CROCC: variants seen among roughly 807,000 people sequenced by gnomAD.
CROCC encodes the protein ciliary rootlet coiled-coil, rootletin, also known as rootletin.
CROCC carries 180 observed loss-of-function variants against 245.2 expected under a neutral mutation model. The ratio of observed to expected loss-of-function variants is 0.73; its 90% CI spans 0.65 to 0.83. The LOEUF is 0.83. CROCC is among the 40% of genes least tolerant of loss of function. The probability of loss-of-function intolerance (pLI) is 0.00; values close to 1 mark genes in which losing one functional copy is unlikely to be tolerated. For synonymous variants in CROCC, 1,205 were observed against 1,241.6 expected (o/e 0.97, Z 0.62); for missense variants, 2,688 against 2,779.4 (o/e 0.97, Z 0.74).
At position 16,946,866 on chromosome 1, in the gene CROCC, C is replaced by G. The variant is rs1317401891; in HGVS notation, c.2389C>G (p.Gln797Glu). 14 of 1,558,148 alleles carry G rather than the reference C, an allele frequency of 9.0e-6. No individual in the cohort carries two copies. The highest frequency in any genetic ancestry group is 1.2e-5 in the Non-Finnish European group (14 of 1,151,016). Residue 797 changes from glutamine to glutamate, a missense_variant, in exon 17 of 37, where the codon CAG becomes GAG. Coordinates refer to ENST00000375541, the MANE Select transcript of CROCC (RefSeq NM_014675.5). ...QERLEELRLE[Q>E]EVARQGLEGS... ...ACGGCTAGAGGAGCTGCGGTTGGAG[C>G]AGGAGGTGGCGCGGCAGGGCCTGGA...
Position 16,971,650 on chromosome 1 carries a change from G to T in CROCC, c.5967+3G>T. On this transcript the variant is annotated splice_donor_region_variant and intron_variant, in intron 36 of 36. Transcript: ENST00000375541. The stretch of plus-strand genomic sequence containing the variant: ...GGGTGCGTGGGCTGGAGGAGCAGGT[G>T]TGCAGGCCCCCTTAGAAGGCTGGGC... The T allele has an allele frequency of 6.7e-7, 1 of 1,482,262 alleles. No individual in the cohort carries two copies. Among genetic ancestry groups the T allele is most frequent in the Non-Finnish European group, 9.0e-7 (1 of 1,115,730 alleles). 91.8% of individuals were successfully genotyped at this position (1,482,262 alleles called of 1,614,324 possible). A position where few individuals can be genotyped will look rare whatever the true frequency, so the allele number is the denominator to read the frequency against.
rs752055155 is a variant in CROCC, at chr1:16,930,334, G to A, written c.670G>A (p.Glu224Lys). ...GGAAAGCGCCCTCATCCGGCTGGAG[G>A]AGGAGCAGCAGAGGTGAGGGCGCAG... is the stretch of plus-strand genomic sequence containing the variant. The part of the protein sequence containing the change: ...DLESALIRLE[E>K]EQQRSASLAQ... The change falls in exon 6 of 37, where the codon GAG (glutamate) becomes AAG (lysine). Residue 224 changes from glutamate (E) to lysine (K), a missense_variant. Physicochemically the swap from Glu to Lys is moderately conservative, Grantham distance 56. Around this residue, in one of 9 missense-constraint regions of CROCC, gnomAD observed 972 missense variants for 895.3 expected, o/e 1.09. Coordinates refer to ENST00000375541, the MANE Select transcript of CROCC (RefSeq NM_014675.5). 2.4e-5 allele frequency: 38 copies of A among 1,610,322 alleles called. No homozygotes were observed. In the African/African-American group the frequency reaches 3.9e-4, roughly 16 times the overall value.
rs530832116 is a variant in CROCC at position 16,966,074 on chromosome 1, T to C, written c.4651T>C (p.Ser1551Pro). 1.2e-6 allele frequency: 2 copies of C among 1,613,584 alleles called. No individual in the cohort carries two copies. Among genetic ancestry groups the C allele is most frequent in the African/African-American group, 1.3e-5 (1 of 75,028 alleles). ...EMEAERDSAT[S>P]RARQLQKAVA... is the part of the protein sequence containing the mutation. Reference sequence around the variant, plus strand: ...GGAGGCTGAGAGGGACAGCGCAACCTCGAGGGCCAGGCAGCTGCAGAAGGC... The same window carrying C: ...GGAGGCTGAGAGGGACAGCGCAACCCCGAGGGCCAGGCAGCTGCAGAAGGC... Residue 1551 changes from serine to proline, a missense_variant, in exon 29 of 37, where the codon TCG (serine) becomes CCG (proline). Coordinates refer to ENST00000375541, the MANE Select transcript of CROCC (RefSeq NM_014675.5). The surrounding 1 kb of genome is among the most constrained non-coding windows in gnomAD (Gnocchi z 4.8).
intron 27 of CROCC, among the ~76,000 whole-genome samples, chr1:16,962,076 T>C (rs529181596): frequency 6.6e-6 from 1 of 152,084 alleles, no homozygotes; most frequent in Non-Finnish European, 1.5e-5. Flanking sequence ...TTTTTGTTTT[T>C]TTTTGAGATG....
At chr1:16,922,319 C>A (rs2075426655) in intron 1 of CROCC, among the ~76,000 whole-genome samples, 2 of 152,266 alleles carry the variant, frequency 1.3e-5, no homozygotes, top group African/African-American at 4.8e-5. Context: ...GTCTCTACTG[C>A]CAGATTTTAG....
chr1:16,959,535 C>G (rs988035212), intron 26 of CROCC, among the ~76,000 whole-genome samples: 2 of 152,194 alleles, frequency 1.3e-5, no homozygotes, highest in African/African-American at 4.8e-5. Context: ...CTAGCACAGC[C>G]GAGCATGTAT....
At chr1:16,961,329 G>A (rs1369955452) in intron 27 of CROCC, among the ~76,000 whole-genome samples, 199 bp downstream of exon 27, 2 of 151,532 alleles carry the variant, frequency 1.3e-5, no homozygotes, top group Non-Finnish European at 2.9e-5. Context: ...TCTCAAGGGC[G>A]CTTCTTTTTT....
In CROCC at chr1:16,939,098, G is replaced by T. The variant is rs2075860612; in HGVS notation, c.1564G>T (p.Ala522Ser). The T allele has an allele frequency of 3.2e-6, 5 of 1,574,218 alleles. No homozygotes were observed. The highest frequency in any genetic ancestry group is 4.3e-6 in the Non-Finnish European group (5 of 1,167,598). ...SPACSDSSTL[A>S]LIHSALHKRQ... ...GGCCTGCTCAGACTCCTCCACGCTC[G>T]CCCTGATCCACTCCGCCCTGCACAA... is the stretch of plus-strand genomic sequence containing the variant. Residue 522 changes from alanine (A) to serine (S), a missense_variant, in exon 12 of 37, where the codon GCC (alanine) becomes TCC (serine). By Grantham distance (99) the Ala-to-Ser change is moderately conservative (BLOSUM62 1). This residue lies in a region of CROCC where 972 missense variants were observed against 895.3 expected (regional missense o/e 1.09). Transcript: ENST00000375541.
chr1:16,922,726 G>A lies in CROCC; in HGVS notation c.124G>A (p.Ala42Thr), dbSNP rs774850102. Reference sequence around the variant, plus strand: ...GGGCGCGCGGGACCTGGCCCAGGACGCTCAGATCACCAGCCTGCCTGCCCT... The same window carrying A: ...GGGCGCGCGGGACCTGGCCCAGGACACTCAGATCACCAGCCTGCCTGCCCT... ...GLGARDLAQD[A>T]QITSLPALIR... The change falls in exon 2 of 37, where the codon GCT (alanine) becomes ACT (threonine). Residue 42 changes from alanine (A) to threonine (T), a missense_variant. By Grantham distance (58) the Ala-to-Thr change is moderately conservative. Around this residue, in one of 9 missense-constraint regions of CROCC, gnomAD observed 972 missense variants for 895.3 expected, o/e 1.09. Transcript: ENST00000375541. 1.5e-5 allele frequency: 24 copies of A among 1,613,696 alleles called. No homozygotes were observed. The highest frequency in any genetic ancestry group is 4.0e-5 in the African/African-American group (3 of 74,938).
chr1:16,917,050 G>A (rs1450349099), upstream of CROCC, among the ~76,000 whole-genome samples: 6 of 152,296 alleles, frequency 3.9e-5, no homozygotes, highest in East Asian at 3.8e-4. Context: ...CCCAGGAGGC[G>A]GAGGTTGCAG....
At position 16,921,948 on chromosome 1, in the gene CROCC, G is replaced by A; in HGVS notation, c.-71G>A. On this transcript the variant is annotated 5_prime_UTR_variant, in exon 1 of 37. Coordinates refer to ENST00000375541, the MANE Select transcript of CROCC (RefSeq NM_014675.5). Reference sequence around the variant, plus strand: ...TGCTCAGCACAGCATCCTGGCTGTGGCGCGTGCTGACTGAGCTAGTCTTGG... The same window carrying A: ...TGCTCAGCACAGCATCCTGGCTGTGACGCGTGCTGACTGAGCTAGTCTTGG... 1 of 1,429,784 alleles carries A rather than the reference G, an allele frequency of 7.0e-7. No homozygotes were observed. 88.6% of individuals were successfully genotyped at this position (1,429,784 alleles called of 1,614,324 possible). A position where few individuals can be genotyped will look rare whatever the true frequency, so the allele number is the denominator to read the frequency against.
chr1:16,940,173 T>C, intron 13 of CROCC, 80 bp downstream of exon 13: 1 of 1,432,744 alleles, frequency 7.0e-7, no homozygotes. Context: ...CTTATGCGTA[T>C]GGCTCTGCAC....
chr1:16,955,607 C>G, intron 24 of CROCC, 57 bp downstream of exon 24: 1 of 1,364,458 alleles, frequency 7.3e-7, no homozygotes, highest in South Asian at 1.5e-5. Flanking sequence ...TCCCTGAAAC[C>G]TAACTTCACC....
chr1:16,938,879 C>G (rs369720441), intron 11 of CROCC, 30 bp from the exon 12 acceptor site: 2 of 1,596,812 alleles, frequency 1.3e-6, no homozygotes, highest in East Asian at 4.5e-5. Flanking sequence ...AACTCAGCAG[C>G]CTCCTTCTGC....
At position 16,946,248 on chromosome 1, in the gene CROCC, T is replaced by G. The variant is rs1410985192; in HGVS notation, c.2137-11T>G. 3 of 1,609,464 alleles carry G rather than the reference T, an allele frequency of 1.9e-6. No individual in the cohort carries two copies. The highest frequency in any genetic ancestry group is 2.5e-6 in the Non-Finnish European group (3 of 1,178,820). On this transcript the variant is annotated splice_polypyrimidine_tract_variant and intron_variant, in intron 15 of 36. Coordinates refer to ENST00000375541, the MANE Select transcript of CROCC (RefSeq NM_014675.5). ...CTGCCTTTCCTCATTTCTCGGGGCCTGACCCTGCAGGCTGAGGCTGGCCGC... is the reference window on the plus strand; with the variant it reads ...CTGCCTTTCCTCATTTCTCGGGGCCGGACCCTGCAGGCTGAGGCTGGCCGC...
intron 10 of CROCC, 79 bp from the exon 11 acceptor site, chr1:16,938,321 G>C (rs887989503): frequency 7.4e-7 from 1 of 1,357,080 alleles, no homozygotes; most frequent in Non-Finnish European, 1.0e-6. Context: ...GTCAGTGGTG[G>C]GCCAGGTAGG....
At chr1:16,925,870 G>A (rs1160509028) in intron 3 of CROCC, among the ~76,000 whole-genome samples, 7 of 152,270 alleles carry the variant, frequency 4.6e-5, no homozygotes, top group Admixed American at 6.5e-5. Flanking sequence ...TGTAGGGCAC[G>A]CTGGCCCCAG....
Position 16,972,416 on chromosome 1 carries a change from C to T in CROCC, c.6024C>T (p.Phe2008=). The T allele has an allele frequency of 6.2e-7, 1 of 1,613,568 alleles. No individual in the cohort carries two copies. The highest frequency in any genetic ancestry group is 8.5e-7 in the Non-Finnish European group (1 of 1,179,732). Reference sequence around the variant, plus strand: ...AGCTTCGAAGGAGCTCAGCACCCTTCTCCCCACCCTCCGGCCCCCCAGAGA... The same window carrying T: ...AGCTTCGAAGGAGCTCAGCACCCTTTTCCCCACCCTCCGGCCCCCCAGAGA... ...QQELRRSSAP[F]SPPSGPPEK The change falls in exon 37 of 37, where the codon TTC becomes TTT. Residue 2008 remains phenylalanine (F), a synonymous_variant. Coordinates refer to ENST00000375541, the MANE Select transcript of CROCC (RefSeq NM_014675.5).
chr1:16,936,715 CCTA>C lies in CROCC; in HGVS notation c.1037_1039del (p.Leu346del). ...AGGCGGGCCTGGGACTGAGCACGGGCCTACGGCTGGCAGAGAGCCGGGCCGAGG... is the reference window on the plus strand; with the variant it reads ...AGGCGGGCCTGGGACTGAGCACGGGCCGGCTGGCAGAGAGCCGGGCCGAGG... On this transcript the variant is annotated inframe_deletion, in exon 9 of 37. Coordinates refer to ENST00000375541, the MANE Select transcript of CROCC (RefSeq NM_014675.5). The C allele has an allele frequency of 6.2e-7, 1 of 1,607,236 alleles. No individual in the cohort carries two copies. The highest frequency in any genetic ancestry group is 8.5e-7 in the Non-Finnish European group (1 of 1,177,688).
Sources: allele counts gnomAD v4.1 joint callset (sites outside exome capture counted in the v4.1 genomes callset), GRCh38; gene constraint gnomAD v4.1.1; regional missense constraint gnomAD v4.1.1; non-coding constraint Gnocchi (gnomAD v3.1); transcripts MANE v1.5; gene names NCBI Gene and HGNC (gene_info 2026-07-23, HGNC 2026-07-21).